RAB27B: variants seen among roughly 807,000 people sequenced by gnomAD.
RAB27B encodes RAB27B, member RAS oncogene family.
In RAB27B, 15 loss-of-function variants were observed where a neutral mutation model predicts 24.6. The ratio of observed to expected loss-of-function variants is 0.61; its 90% CI spans 0.41 to 0.94. The LOEUF (loss-of-function observed/expected upper bound fraction) is 0.94, where lower values mean the gene tolerates loss of function less well. RAB27B is among the 40% of genes least tolerant of loss of function. The pLI is 0.00. For missense variants in RAB27B, 261 were observed against 266.8 expected (o/e 0.98, Z 0.15); for synonymous variants, 105 against 92.5 (o/e 1.14, Z -0.78).
intron 2 of RAB27B, among the ~76,000 whole-genome samples, chr18:54,878,149 C>G (rs913994513): frequency 6.6e-6 from 1 of 152,304 alleles, no homozygotes; most frequent in South Asian, 2.1e-4. Context: ...TGGCAAATAT[C>G]TGGAACATGA....
intron 1 of RAB27B, among the ~76,000 whole-genome samples, chr18:54,852,520 G>A (rs1911628263): frequency 6.6e-6 from 1 of 152,138 alleles, no homozygotes; most frequent in African/African-American, 2.4e-5. Context: ...CAGCCAAAAT[G>A]CCTTCTTGAG....
intron 1 of RAB27B, among the ~76,000 whole-genome samples, chr18:54,874,702 A>G (rs1456907431): frequency 5.9e-5 from 9 of 152,162 alleles, no homozygotes; most frequent in Admixed American, 5.2e-4. Context: ...AAAAACTGCT[A>G]AAAAAATTAA....
At chr18:54,830,482 C>T (rs140747792) in intron 1 of RAB27B, among the ~76,000 whole-genome samples, 2 of 152,258 alleles carry the variant, frequency 1.3e-5, no homozygotes, top group East Asian at 3.9e-4. Flanking sequence ...ACCAATAGTT[C>T]AGCTCTTAAG....
chr18:54,813,209 A>G (rs552849742), intron 2 of RAB27B, among the ~76,000 whole-genome samples: 16 of 152,270 alleles, frequency 1.1e-4, no homozygotes, highest in African/African-American at 3.4e-4. Flanking sequence ...GGAGTTTCTT[A>G]CCTTCTTCTA....
chr18:54,795,901 G>A (rs757100866), intron 2 of RAB27B, among the ~76,000 whole-genome samples: 10 of 152,050 alleles, frequency 6.6e-5, no homozygotes, highest in Non-Finnish European at 1.2e-4. Flanking sequence ...TAACTTTATT[G>A]AGGTCTAGTC....
chr18:54,795,573 A>C (rs192376738), intron 2 of RAB27B, among the ~76,000 whole-genome samples: 2 of 152,184 alleles, frequency 1.3e-5, no homozygotes, highest in African/African-American at 4.8e-5. Flanking sequence ...ATGATGAATG[A>C]AGGGCCTGGA....
intron 2 of RAB27B, among the ~76,000 whole-genome samples, chr18:54,789,857 T>C (rs1256809870): frequency 6.6e-6 from 1 of 152,164 alleles, no homozygotes. Context: ...GAACAACCTA[T>C]CCCAGTGCAT....
Position 54,893,842 on chromosome 18 carries a change from T to C in RAB27B, c.*4429T>C, listed in dbSNP as rs1320520516. The C allele has an allele frequency of 6.6e-6, 1 of 151,916 alleles. No homozygotes were observed. The highest frequency in any genetic ancestry group is 1.5e-5 in the Non-Finnish European group (1 of 67,894). The allele number at this position is 151,916 out of a possible 1,614,324, so 9.4% of individuals were successfully genotyped here. A position where few individuals can be genotyped will look rare whatever the true frequency, so the allele number is the denominator to read the frequency against. ...TTGTGCCCTTAAATACAGCAGAACC[T>C]GGAGAAGGTCATACTTCAAAGGTCG... On this transcript the variant is annotated 3_prime_UTR_variant, in exon 6 of 6. Transcript: ENST00000262094.
At chr18:54,771,553 A>G (rs1568059854) in intron 2 of RAB27B, among the ~76,000 whole-genome samples, 2 of 151,628 alleles carry the variant, frequency 1.3e-5, no homozygotes, top group South Asian at 4.2e-4. Context: ...CAAAGTTGGA[A>G]GTACAAAATG....
At chr18:54,849,388 C>A (rs1911464099) in intron 1 of RAB27B, among the ~76,000 whole-genome samples, 1 of 152,160 alleles carries the variant, frequency 6.6e-6, no homozygotes, top group African/African-American at 2.4e-5. Context: ...TCCAAATCTT[C>A]TTTCCTCCCA....
intron 1 of RAB27B, among the ~76,000 whole-genome samples, chr18:54,829,755 T>C (rs1433480642): frequency 6.6e-6 from 1 of 152,200 alleles, no homozygotes; most frequent in Non-Finnish European, 1.5e-5. Flanking sequence ...TAATGAATTT[T>C]CAAGCTGCTG....
intron 1 of RAB27B, among the ~76,000 whole-genome samples, chr18:54,847,530 C>T (rs956355726): frequency 5.9e-5 from 9 of 152,156 alleles, no homozygotes; most frequent in African/African-American, 9.7e-5. Context: ...TTAATTATGA[C>T]GTTAGATGTA....
chr18:54,760,719 G>A (rs1908159392), intron 2 of RAB27B, among the ~76,000 whole-genome samples: 1 of 152,102 alleles, frequency 6.6e-6, no homozygotes, highest in Non-Finnish European at 1.5e-5. Flanking sequence ...ATCATGAAAA[G>A]GGGAAGAACT....
At chr18:54,887,471 ATTATG>A (rs1428040985) in intron 4 of RAB27B, among the ~76,000 whole-genome samples, 1 of 152,092 alleles carries the variant, frequency 6.6e-6, no homozygotes, top group East Asian at 1.9e-4. Flanking sequence ...ATGTATGTGT[ATTATG>A]TATTATTAGA....
intron 1 of RAB27B, among the ~76,000 whole-genome samples, chr18:54,844,695 C>T (rs527723890): frequency 6.6e-6 from 1 of 152,162 alleles, no homozygotes; most frequent in Non-Finnish European, 1.5e-5. Context: ...GTGTGAACCA[C>T]TGTGCCTGGC....
At chr18:54,826,294 A>T (rs1016865544), upstream of RAB27B, among the ~76,000 whole-genome samples, 8 of 152,216 alleles carry the variant, frequency 5.3e-5, no homozygotes, top group Non-Finnish European at 1.0e-4. Flanking sequence ...TACTATTATT[A>T]TCATGACACA....
intron 1 of RAB27B, among the ~76,000 whole-genome samples, chr18:54,834,094 G>A (rs375281769): frequency 6.6e-6 from 1 of 152,310 alleles, no homozygotes; most frequent in East Asian, 1.9e-4. Context: ...ATTTGATAAT[G>A]TGTTCTAGAT....
intron 2 of RAB27B, among the ~76,000 whole-genome samples, chr18:54,752,529 A>G (rs1598879082): frequency 6.6e-6 from 1 of 152,356 alleles, no homozygotes; most frequent in South Asian, 2.1e-4. Context: ...AATGTGTGGG[A>G]GAGTGTATTC....
chr18:54,812,587 A>ACACG, intron 2 of RAB27B, among the ~76,000 whole-genome samples: 1 of 143,148 alleles, frequency 7.0e-6, no homozygotes, highest in South Asian at 2.3e-4. Flanking sequence ...ACACACACAC[A>ACACG]CACACACTCT....
Sources: allele counts gnomAD v4.1 joint callset (sites outside exome capture counted in the v4.1 genomes callset), GRCh38; gene constraint gnomAD v4.1.1; transcripts MANE v1.5; gene names NCBI Gene and HGNC (gene_info 2026-07-23, HGNC 2026-07-21).